The following PDE1A variants were observed in gnomAD, a reference collection of about 807,000 sequenced individuals.
PDE1A encodes dual specificity calcium/calmodulin-dependent 3',5'-cyclic nucleotide phosphodiesterase 1A.
Under a neutral mutation model 61.7 loss-of-function variants are expected in PDE1A, and 35 were observed. The ratio of observed to expected loss-of-function variants is 0.57; its 90% CI spans 0.43 to 0.75. PDE1A has a LOEUF of 0.75. PDE1A is among the 30% of genes least tolerant of loss of function. The pLI, the probability that PDE1A is intolerant of heterozygous loss-of-function variation, is 0.00. For missense variants in PDE1A, 597 were observed against 630.6 expected (o/e 0.95, Z 0.57); for synonymous variants, 232 against 213.2 (o/e 1.09, Z -0.77).
At chr2:182,485,907 G>C (rs1687992735) in intron 2 of PDE1A, among the ~76,000 whole-genome samples, 1 of 151,948 alleles carries the variant, frequency 6.6e-6, no homozygotes, top group Non-Finnish European at 1.5e-5. Flanking sequence ...TAAGGCAAGG[G>C]CATCTGCCTG....
At chr2:182,196,582 C>A (rs1342102800) in intron 10 of PDE1A, among the ~76,000 whole-genome samples, 1 of 151,760 alleles carries the variant, frequency 6.6e-6, no homozygotes, top group Non-Finnish European at 1.5e-5. Context: ...AGATATAGAG[C>A]ATTTCCATTA....
chr2:182,196,025 T>C (rs183869615), intron 10 of PDE1A, among the ~76,000 whole-genome samples: 25 of 152,178 alleles, frequency 1.6e-4, no homozygotes, highest in Non-Finnish European at 2.9e-4. Context: ...GTGAGAGTAA[T>C]ATGGGATTTA....
At chr2:182,677,919 C>A in the PDE1A span, among the ~76,000 whole-genome samples, 5 of 152,072 alleles carry the variant, frequency 3.3e-5, no homozygotes, top group African/African-American at 1.2e-4. Context: ...CTCAGTTCAA[C>A]CCAGGAATTC....
chr2:182,418,035 A>T (rs1339240309), intron 1 of PDE1A, among the ~76,000 whole-genome samples: 1 of 152,204 alleles, frequency 6.6e-6, no homozygotes, highest in African/African-American at 2.4e-5. Context: ...CCATAAAAAA[A>T]TTTTAAGATA....
the PDE1A span, among the ~76,000 whole-genome samples, chr2:182,602,085 C>T: frequency 6.6e-6 from 1 of 152,226 alleles, no homozygotes; most frequent in African/African-American, 2.4e-5. Context: ...CCAGGTTCAG[C>T]CCCAACTTTG....
intron 1 of PDE1A, among the ~76,000 whole-genome samples, chr2:182,386,326 C>T (rs1701078482): frequency 6.6e-6 from 1 of 151,604 alleles, no homozygotes; most frequent in Non-Finnish European, 1.5e-5. Flanking sequence ...ATGTGAGGAT[C>T]CCCTCTGCCC....
At chr2:182,248,602 G>A (rs1333175323) in intron 2 of PDE1A, among the ~76,000 whole-genome samples, 1 of 152,118 alleles carries the variant, frequency 6.6e-6, no homozygotes, top group Non-Finnish European at 1.5e-5. Flanking sequence ...TGCAGGGAAG[G>A]GAAGTAAAGA....
chr2:182,691,323 A>G, the PDE1A span, among the ~76,000 whole-genome samples: 2 of 152,234 alleles, frequency 1.3e-5, no homozygotes, highest in Admixed American at 6.5e-5. Flanking sequence ...TACTGGTACC[A>G]AAACAGAGAT....
chr2:182,624,214 C>T, the PDE1A span, among the ~76,000 whole-genome samples: 55 of 151,664 alleles, frequency 3.6e-4, no homozygotes, highest in African/African-American at 1.3e-3. Flanking sequence ...TGCTCAATAT[C>T]AGCCACAAAA....
chr2:182,217,617 C>A (rs1326517514), intron 7 of PDE1A, among the ~76,000 whole-genome samples: 2 of 144,974 alleles, frequency 1.4e-5, no homozygotes, highest in Non-Finnish European at 3.0e-5. Context: ...AGGACATGAA[C>A]AGACACTTCT....
At chr2:182,378,467 C>T (rs541676082) in intron 1 of PDE1A, among the ~76,000 whole-genome samples, 10 of 152,236 alleles carry the variant, frequency 6.6e-5, no homozygotes, top group African/African-American at 2.4e-4. Flanking sequence ...GTACTTAAGA[C>T]CTGTGTTATA....
chr2:182,344,028 G>A (rs919860662), intron 1 of PDE1A, among the ~76,000 whole-genome samples: 1 of 151,852 alleles, frequency 6.6e-6, no homozygotes, highest in Non-Finnish European at 1.5e-5. Flanking sequence ...ACGCCACCAT[G>A]CCTGGCTAAT....
intron 13 of PDE1A, among the ~76,000 whole-genome samples, chr2:182,153,729 C>T (rs1455311696): frequency 2.0e-5 from 3 of 152,038 alleles, no homozygotes; most frequent in Non-Finnish European, 4.4e-5. Flanking sequence ...AGGAATCAGC[C>T]ATGGAAATGA....
intron 7 of PDE1A, among the ~76,000 whole-genome samples, chr2:182,210,198 A>G (rs937145706): frequency 1.7e-4 from 26 of 152,316 alleles, no homozygotes; most frequent in African/African-American, 6.3e-4. Flanking sequence ...GAGTAGTTTC[A>G]ATTTTGTAAT....
At chr2:182,318,319 T>TAC (rs1696476433) in intron 1 of PDE1A, among the ~76,000 whole-genome samples, 1 of 152,130 alleles carries the variant, frequency 6.6e-6, no homozygotes, top group East Asian at 1.9e-4. Context: ...ATTTTCAACC[T>TAC]ACACACACCC....
upstream of PDE1A, among the ~76,000 whole-genome samples, chr2:182,429,131 C>T (rs1703790108): frequency 6.6e-6 from 1 of 152,006 alleles, no homozygotes; most frequent in South Asian, 2.1e-4. Flanking sequence ...TATTTAAAAC[C>T]AATCTGAGAC....
chr2:182,562,733 G>T, the PDE1A span, among the ~76,000 whole-genome samples: 12 of 152,132 alleles, frequency 7.9e-5, 1 homozygote, highest in East Asian at 5.8e-4. Flanking sequence ...CAATTTCAGA[G>T]CCTGTTATTG....
chr2:182,289,931 T>C (rs1694413870), intron 1 of PDE1A, among the ~76,000 whole-genome samples: 1 of 152,082 alleles, frequency 6.6e-6, no homozygotes, highest in Admixed American at 6.6e-5. Context: ...GGATCAAACA[T>C]ATTCTGTATT....
chr2:182,462,658 A>G lies in PDE1A; in HGVS notation c.101+59618T>C, dbSNP rs535481133. 6.6e-4 allele frequency among the ~76,000 whole-genome samples: 100 copies of G among 151,734 alleles called. No individual in the cohort carries two copies. In the East Asian group the frequency reaches 0.01, roughly 16 times the overall value. On this transcript the variant is annotated intron_variant, in intron 2 of 14. Transcript: ENST00000410103. ...TTCCACCTTAAGAGAAGGATAAGGG[A>G]AAAAAAAGGGTGTAAGCAGGGAGCC... is the stretch of plus-strand genomic sequence containing the variant.
Sources: allele counts gnomAD v4.1 joint callset (sites outside exome capture counted in the v4.1 genomes callset), GRCh38; gene constraint gnomAD v4.1.1; transcripts MANE v1.5; gene names NCBI Gene and HGNC (gene_info 2026-07-23, HGNC 2026-07-21).